The following ATG7 variants were observed in gnomAD, a reference collection of about 807,000 sequenced individuals.
ATG7 encodes the protein autophagy related 7, also known as ubiquitin-like modifier-activating enzyme ATG7.
Under a neutral mutation model 82.4 loss-of-function variants are expected in ATG7, and 70 were observed. That is an observed-to-expected ratio of 0.85 (90% CI 0.70 to 1.04). ATG7 has a LOEUF of 1.04. Among genes scored for constraint, ATG7 ranks in the 50% least tolerant of loss-of-function variants. The pLI is 0.00. For synonymous variants in ATG7, 287 were observed against 313.0 expected (o/e 0.92, Z 0.88); for missense variants, 792 against 864.3 (o/e 0.92, Z 1.05).
At chr3:11,319,580 G>A (rs1407238666) in intron 9 of ATG7, among the ~76,000 whole-genome samples, 2 of 152,080 alleles carry the variant, frequency 1.3e-5, no homozygotes, top group Non-Finnish European at 2.9e-5. Context: ...TTCTCTCACC[G>A]GCCTGAACCT....
rs371092544 is a variant in ATG7, at chr3:11,412,245, T to A, written c.1957-14559T>A. 6.0e-5 allele frequency among the ~76,000 whole-genome samples: 9 copies of A among 149,522 alleles called. No homozygotes were observed. The East Asian group carries it at 1.6e-3, about 26-fold the overall frequency. On this transcript the variant is annotated intron_variant, in intron 19 of 20. Transcript: ENST00000693202. ...GCATCTGGTGCTGTGATCTGATGAGTTCCAGTTATTTGATTCTTTTTTTTT... is the reference window on the plus strand; with the variant it reads ...GCATCTGGTGCTGTGATCTGATGAGATCCAGTTATTTGATTCTTTTTTTTT...
rs542227348 is a variant in ATG7, at chr3:11,485,863, G to A, written c.2079+58937G>A. On this transcript the variant is annotated intron_variant, in intron 20 of 20. Coordinates refer to ENST00000693202, the MANE Select transcript of ATG7 (RefSeq NM_001349232.2). ...GATCAGATAGTTGTAGATATGCGAC[G>A]TTATTTCTGAGGGCTCTGTTCTGTT... Among the ~76,000 whole-genome samples the A allele has an allele frequency of 9.9e-5, 15 of 152,074 alleles. No homozygotes were observed. In the South Asian group the frequency reaches 1.2e-3, roughly 13 times the overall value.
rs543151695 is a variant in ATG7, at chr3:11,541,190, G to A, written c.2080-13621G>A. On this transcript the variant is annotated intron_variant, in intron 20 of 20. Coordinates refer to ENST00000693202, the MANE Select transcript of ATG7 (RefSeq NM_001349232.2). ...GCTGGGATTACAGGCGTGAGCCATC[G>A]CGCCCGGCTGGTTTTAGCTTTTACA... Among the ~76,000 whole-genome samples the A allele has an allele frequency of 6.6e-5, 10 of 152,310 alleles. No homozygotes were observed. In the East Asian group the frequency reaches 9.6e-4, roughly 15 times the overall value.
intron 4 of ATG7, 147 bp from the exon 5 acceptor site, chr3:11,299,215 A>G: frequency 1.4e-6 from 1 of 707,552 alleles, no homozygotes; most frequent in Non-Finnish European, 2.4e-6. Flanking sequence ...CTATCCATAC[A>G]TATATTATCT....
At chr3:11,359,806 GA>G (rs1287834878) in intron 15 of ATG7, among the ~76,000 whole-genome samples, 3 of 152,056 alleles carry the variant, frequency 2.0e-5, no homozygotes, top group African/African-American at 7.2e-5. Flanking sequence ...AATTCTATGT[GA>G]AGGGTGAATT....
chr3:11,498,822 C>T (rs2442790), intron 20 of ATG7, among the ~76,000 whole-genome samples: 2,923 of 152,314 alleles, frequency 0.019, 44 homozygotes, highest in Non-Finnish European at 0.028. Flanking sequence ...TCCAGGCCAA[C>T]TGTGCTCCTT....
At chr3:11,337,376 C>T in intron 11 of ATG7, among the ~76,000 whole-genome samples, 1 of 152,182 alleles carries the variant, frequency 6.6e-6, no homozygotes, top group African/African-American at 2.4e-5. Context: ...TCGCTTGAAC[C>T]TGGGAGGCGG....
chr3:11,477,132 A>C lies in ATG7; in HGVS notation c.2079+50206A>C, dbSNP rs541993314. The C allele has an allele frequency of 3.1e-6, 4 of 1,289,872 alleles. No individual in the cohort carries two copies. The South Asian group carries it at 3.7e-5, about 12-fold the overall frequency. 79.9% of individuals were successfully genotyped at this position (1,289,872 alleles called of 1,614,324 possible). On this transcript the variant is annotated intron_variant, in intron 20 of 20. Coordinates refer to ENST00000693202, the MANE Select transcript of ATG7 (RefSeq NM_001349232.2). ...AAAAGGGAGCATGTTTGTACCTGCC[A>C]GCATCTTTGAGATCTTCGGCTCTGG... is the stretch of plus-strand genomic sequence containing the variant.
At chr3:11,378,926 C>G (rs368449197) in intron 18 of ATG7, among the ~76,000 whole-genome samples, 3 of 151,748 alleles carry the variant, frequency 2.0e-5, no homozygotes, top group African/African-American at 7.3e-5. Context: ...GGTGGTGGAT[C>G]GGGTCTTCTG....
rs540699492 is a variant in ATG7, at chr3:11,365,606, T to A, written c.1875+872T>A. The stretch of plus-strand genomic sequence containing the variant: ...GATGGTGCCCACCAGTCCTATCTGG[T>A]GATTTGCAAGGACAGACTCAGACGA... On this transcript the variant is annotated intron_variant, in intron 18 of 20. Transcript: ENST00000693202. Among the ~76,000 whole-genome samples the A allele has an allele frequency of 1.2e-4, 19 of 152,254 alleles. No individual in the cohort carries two copies. The South Asian group carries it at 3.5e-3, about 28-fold the overall frequency.
chr3:11,412,352 GA>G lies in ATG7; in HGVS notation c.1957-14450del, dbSNP rs551340966. Among the ~76,000 whole-genome samples the G allele has an allele frequency of 2.8e-4, 43 of 151,586 alleles. No homozygotes were observed. The South Asian group carries it at 8.8e-3, about 31-fold the overall frequency. ...ATATGAGTTTCAAGCTTTAACAGCA[GA>G]AGGGTCAATTTCCATGTTTATCCAA... is the stretch of plus-strand genomic sequence containing the variant. On this transcript the variant is annotated intron_variant, in intron 19 of 20. Transcript: ENST00000693202.
intron 9 of ATG7, among the ~76,000 whole-genome samples, chr3:11,317,765 G>C (rs2152730113): frequency 6.6e-6 from 1 of 151,930 alleles, no homozygotes; most frequent in East Asian, 1.9e-4. Flanking sequence ...GCTAATTTTT[G>C]TATTTTTAGT....
intron 11 of ATG7, among the ~76,000 whole-genome samples, chr3:11,337,409 G>A (rs1005189570): frequency 6.6e-6 from 1 of 152,008 alleles, no homozygotes; most frequent in African/African-American, 2.4e-5. Context: ...GCCAAGATAA[G>A]TGCCACTGCA....
chr3:11,403,489 T>G (rs1485469643), intron 19 of ATG7, among the ~76,000 whole-genome samples: 1 of 152,224 alleles, frequency 6.6e-6, no homozygotes, highest in Non-Finnish European at 1.5e-5. Flanking sequence ...GTTTAGATAA[T>G]AAAGGATGAA....
the ATG7 span, among the ~76,000 whole-genome samples, chr3:11,566,339 G>A: frequency 1.3e-5 from 2 of 152,174 alleles, no homozygotes; most frequent in East Asian, 1.9e-4. Context: ...TGACTCCCGC[G>A]ATGGTGACAT....
At chr3:11,360,234 A>G (rs1221081437) in intron 15 of ATG7, among the ~76,000 whole-genome samples, 2 of 152,138 alleles carry the variant, frequency 1.3e-5, no homozygotes, top group Non-Finnish European at 2.9e-5. Flanking sequence ...TTTAATAGAG[A>G]CAGGGTTTCG....
At chr3:11,434,115 C>T (rs2083156240) in intron 20 of ATG7, among the ~76,000 whole-genome samples, 2 of 152,214 alleles carry the variant, frequency 1.3e-5, no homozygotes, top group Admixed American at 6.5e-5. Context: ...ACAAGTGTTT[C>T]TGCTGGGCCT....
intron 20 of ATG7, among the ~76,000 whole-genome samples, chr3:11,440,864 A>G (rs561692830): frequency 6.7e-6 from 1 of 150,300 alleles, no homozygotes; most frequent in Non-Finnish European, 1.5e-5. Flanking sequence ...TTGTATTTTT[A>G]GTAGAGATGG....
chr3:11,519,687 G>GT, intron 20 of ATG7, among the ~76,000 whole-genome samples: 1 of 151,282 alleles, frequency 6.6e-6, no homozygotes, highest in East Asian at 2.0e-4. Flanking sequence ...AGCCTCCCGA[G>GT]TAGCTGGGAC....
Sources: gnomAD v4.1 joint callset for allele counts (sites outside exome capture counted in the v4.1 genomes callset) on GRCh38, gnomAD v4.1.1 for gene constraint, MANE v1.5 for transcripts, NCBI Gene and HGNC (gene_info 2026-07-23, HGNC 2026-07-21) for gene names.